NAV2: variants seen among roughly 807,000 people sequenced by gnomAD.
The protein encoded by NAV2 is neuron navigator 2.
NAV2 carries 54 observed loss-of-function variants against 223.2 expected under a neutral mutation model. The observed-to-expected ratio is 0.24, with a 90% confidence interval of 0.19 to 0.30. The LOEUF (loss-of-function observed/expected upper bound fraction) is 0.30. Among genes scored for constraint, NAV2 ranks in the 10% least tolerant of loss-of-function variants. The pLI is 1.00. For synonymous variants in NAV2, 1,279 were observed against 1,239.3 expected (o/e 1.03, Z -0.67); for missense variants, 2,806 against 3,147.5 (o/e 0.89, Z 2.60).
chr11:19,835,986 C>A (rs570508043), intron 2 of NAV2, among the ~76,000 whole-genome samples: 1 of 152,214 alleles, frequency 6.6e-6, no homozygotes, highest in South Asian at 2.1e-4. Flanking sequence ...CAGCTGCTGT[C>A]TTGGGCCTGG....
rs2059881797 is a variant in NAV2 at position 19,830,692 on chromosome 11, A to G, written c.268-1792A>G. Among the ~76,000 whole-genome samples, 3 of 151,512 alleles carry G rather than the reference A, an allele frequency of 2.0e-5. No homozygotes were observed. In the South Asian group the frequency reaches 6.3e-4, roughly 32 times the overall value. The stretch of plus-strand genomic sequence containing the variant: ...TTAAACAAAACATACCCAAATCCCT[A>G]CTCTTGTGGAGCCTACAGAACCGGG... On this transcript the variant is annotated intron_variant, in intron 1 of 37. Coordinates refer to ENST00000349880, the MANE Select transcript of NAV2 (RefSeq NM_145117.5).
intron 11 of NAV2, among the ~76,000 whole-genome samples, chr11:20,006,971 T>C (rs2053138344): frequency 6.6e-6 from 1 of 152,122 alleles, no homozygotes; most frequent in African/African-American, 2.4e-5. Context: ...TTTTTTTTCT[T>C]TGGAGACAGT....
intron 1 of NAV2, among the ~76,000 whole-genome samples, chr11:19,490,222 T>C (rs1243435411): frequency 6.6e-6 from 1 of 152,224 alleles, no homozygotes; most frequent in Non-Finnish European, 1.5e-5. Flanking sequence ...AGGGTGGCAG[T>C]AACTGAAAGT....
chr11:20,095,618 T>A, intron 29 of NAV2, 54 bp from the exon 30 acceptor site: 1 of 1,303,312 alleles, frequency 7.7e-7, no homozygotes, highest in Admixed American at 1.7e-5. Flanking sequence ...TCTGCTGAAC[T>A]GAGTCAGAAA....
chr11:20,049,137 G>T lies in NAV2; in HGVS notation c.4312G>T (p.Asp1438Tyr). ...SSTGLIASSK[D>Y]DSLTPFVRTN... ...CACTGGCCTCATCGCCTCCTCCAAG[G>T]ACGACTCCTTGACTCCCTTTGTCAG... Residue 1438 changes from aspartate to tyrosine, a missense_variant, in exon 15 of 38, where the codon GAC (aspartate) becomes TAC (tyrosine). Transcript: ENST00000349880. 1 of 1,613,568 alleles carries T rather than the reference G, an allele frequency of 6.2e-7. No homozygotes were observed. Among genetic ancestry groups the T allele is most frequent in the Non-Finnish European group, 8.5e-7 (1 of 1,179,800 alleles).
At chr11:19,695,140 C>T (rs1456284431) in intron 1 of NAV2, among the ~76,000 whole-genome samples, 1 of 152,218 alleles carries the variant, frequency 6.6e-6, no homozygotes, top group African/African-American at 2.4e-5. Context: ...CCTCTTTGCT[C>T]ACTCCCCTGG....
At chr11:19,991,747 T>G (rs2051359030) in intron 11 of NAV2, among the ~76,000 whole-genome samples, 1 of 152,198 alleles carries the variant, frequency 6.6e-6, no homozygotes. Context: ...TTGAGCTTCC[T>G]ACTGGCCCAA....
intron 1 of NAV2, among the ~76,000 whole-genome samples, chr11:19,761,982 C>A (rs2054787819): frequency 6.6e-6 from 1 of 152,210 alleles, no homozygotes; most frequent in Non-Finnish European, 1.5e-5. Context: ...GTGGCTCACG[C>A]CTGTAATCCC....
intron 11 of NAV2, among the ~76,000 whole-genome samples, chr11:20,015,798 TATCTCAATTGGACCAAAC>T (rs2053954430): frequency 6.6e-6 from 1 of 152,180 alleles, no homozygotes; most frequent in African/African-American, 2.4e-5. Flanking sequence ...TAAATGACAG[TATCTCAATTGGACCAAAC>T]CCAAAAGTAT....
chr11:19,637,909 A>G (rs1281134491), intron 1 of NAV2, among the ~76,000 whole-genome samples: 1 of 152,224 alleles, frequency 6.6e-6, no homozygotes, highest in Non-Finnish European at 1.5e-5. Context: ...CTTTATTTCC[A>G]GGTATCTTCT....
chr11:19,805,056 T>C (rs1324017760), intron 1 of NAV2, among the ~76,000 whole-genome samples: 1 of 152,168 alleles, frequency 6.6e-6, no homozygotes, highest in Admixed American at 6.5e-5. Context: ...GAAGTAGGAC[T>C]TGGTTCTGTA....
chr11:19,662,959 G>T (rs1565148530), intron 1 of NAV2, among the ~76,000 whole-genome samples: 1 of 152,172 alleles, frequency 6.6e-6, no homozygotes, highest in Non-Finnish European at 1.5e-5. Flanking sequence ...CCTCGTGGAG[G>T]TCCAAAGCCC....
At chr11:19,359,926 C>T (rs972831286) in intron 1 of NAV2, among the ~76,000 whole-genome samples, 1 of 152,118 alleles carries the variant, frequency 6.6e-6, no homozygotes, top group Admixed American at 6.5e-5. Context: ...TTCCCTCTTC[C>T]CTTCAAGGCT....
At chr11:19,481,785 T>G (rs983047789) in intron 1 of NAV2, among the ~76,000 whole-genome samples, 2 of 152,226 alleles carry the variant, frequency 1.3e-5, no homozygotes, top group Non-Finnish European at 2.9e-5. Context: ...TATTGATATT[T>G]CATGCATACC....
At chr11:19,368,970 C>CT (rs764805599) in intron 1 of NAV2, among the ~76,000 whole-genome samples, 4 of 152,198 alleles carry the variant, frequency 2.6e-5, no homozygotes, top group South Asian at 2.1e-4. Context: ...ATAACTCTTT[C>CT]TTTCTCCAAG....
At chr11:19,827,889 C>G (rs1224753455) in intron 1 of NAV2, among the ~76,000 whole-genome samples, 1 of 151,138 alleles carries the variant, frequency 6.6e-6, no homozygotes, top group Non-Finnish European at 1.5e-5. Flanking sequence ...ACGCCCAGGC[C>G]TAGGAGGGAG....
chr11:19,493,539 G>C (rs2042698526), intron 1 of NAV2, among the ~76,000 whole-genome samples: 1 of 152,100 alleles, frequency 6.6e-6, no homozygotes, highest in African/African-American at 2.4e-5. Context: ...TTATAAAAAA[G>C]CTCGGCATCC....
intron 9 of NAV2, among the ~76,000 whole-genome samples, chr11:19,947,938 C>T (rs192851702): frequency 2.6e-5 from 4 of 152,140 alleles, no homozygotes; most frequent in Non-Finnish European, 5.9e-5. Context: ...TAGGAACTCC[C>T]GGTGGGTGGA....
At chr11:19,384,431 A>G (rs548082144) in intron 1 of NAV2, among the ~76,000 whole-genome samples, 9 of 152,330 alleles carry the variant, frequency 5.9e-5, no homozygotes, top group African/African-American at 2.2e-4. Context: ...GTTGACTTGG[A>G]CAGTGTGAGA....
Sources: gnomAD v4.1 joint callset for allele counts (sites outside exome capture counted in the v4.1 genomes callset) on GRCh38, gnomAD v4.1.1 for gene constraint, MANE v1.5 for transcripts, NCBI Gene and HGNC (gene_info 2026-07-23, HGNC 2026-07-21) for gene names.